SVIL: variants seen among roughly 807,000 people sequenced by gnomAD.
The protein encoded by SVIL is archvillin.
A neutral mutation model predicts 240.4 loss-of-function variants in SVIL; 101 were observed. The observed-to-expected ratio is 0.42, with a 90% CI of 0.36 to 0.50. The LOEUF (loss-of-function observed/expected upper bound fraction) is 0.50. Among genes scored for constraint, SVIL ranks in the 20% least tolerant of loss-of-function variants. The pLI is 0.01. For missense variants in SVIL, 2,512 were observed against 2,818.7 expected, an observed-to-expected ratio of 0.89 and a Z score of 2.46; for synonymous variants, 999 against 1,100.0, an observed-to-expected ratio of 0.91 and a Z score of 1.82.
intron 1 of SVIL, among the ~76,000 whole-genome samples, chr10:29,710,352 C>T (rs1963193406): frequency 6.6e-6 from 1 of 152,202 alleles, no homozygotes. Context: ...CCACCACGCC[C>T]AGCCAACCAT....
intron 1 of SVIL, among the ~76,000 whole-genome samples, chr10:29,622,205 G>A (rs1023971992): frequency 1.5e-5 from 2 of 133,262 alleles, no homozygotes; most frequent in Admixed American, 8.7e-5. Flanking sequence ...AGCCGAGATC[G>A]CGCCACTGCA....
At chr10:29,686,416 C>T (rs1259382628) in intron 2 of SVIL, 1 of 152,244 alleles carries the variant, frequency 6.6e-6, no homozygotes, top group East Asian at 1.9e-4. Context: ...AAAAGTCCAT[C>T]TCACACAATG....
chr10:29,733,493 C>T (rs886099556), intron 1 of SVIL, among the ~76,000 whole-genome samples: 7 of 152,002 alleles, frequency 4.6e-5, no homozygotes, highest in Admixed American at 2.0e-4. Flanking sequence ...TTTGTAGAAA[C>T]AGGGTCTCAC....
At chr10:29,703,658 A>G (rs1962682415) in intron 1 of SVIL, among the ~76,000 whole-genome samples, 1 of 152,210 alleles carries the variant, frequency 6.6e-6, no homozygotes, top group African/African-American at 2.4e-5. Context: ...GGGGATTCTC[A>G]GGATTGCCTT....
chr10:29,497,880 G>A (rs1383085444), intron 18 of SVIL, among the ~76,000 whole-genome samples: 3 of 151,308 alleles, frequency 2.0e-5, no homozygotes, highest in Non-Finnish European at 4.4e-5. Flanking sequence ...TCAGGAGTTC[G>A]AGACCAGCCT....
intron 1 of SVIL, among the ~76,000 whole-genome samples, chr10:29,701,255 GTCTC>G (rs1472452755): frequency 2.0e-5 from 3 of 152,134 alleles, no homozygotes; most frequent in Non-Finnish European, 4.4e-5. Flanking sequence ...AAGAAAGATG[GTCTC>G]TCTTTTTTCT....
At chr10:29,551,648 A>G (rs1953349479) in intron 5 of SVIL, among the ~76,000 whole-genome samples, 1 of 152,214 alleles carries the variant, frequency 6.6e-6, no homozygotes, top group Admixed American at 6.5e-5. Context: ...GTCCTCTGGG[A>G]AAGACAGCAG....
chr10:29,626,340 T>C (rs1489856971), intron 1 of SVIL, among the ~76,000 whole-genome samples: 1 of 152,208 alleles, frequency 6.6e-6, no homozygotes, highest in East Asian at 1.9e-4. Flanking sequence ...GGTACTTTAG[T>C]ACCATTCCAT....
intron 3 of SVIL, among the ~76,000 whole-genome samples, chr10:29,646,625 G>A (rs1406850889): frequency 2.6e-5 from 4 of 152,194 alleles, no homozygotes; most frequent in East Asian, 1.9e-4. Context: ...CAAATCCCTC[G>A]TGGGCAGTCC....
At chr10:29,511,009 G>A (rs974773600) in intron 17 of SVIL, among the ~76,000 whole-genome samples, 1 of 132,134 alleles carries the variant, frequency 7.6e-6, no homozygotes, top group African/African-American at 3.0e-5. Context: ...CCAGCCAAAG[G>A]GAAGCAGGCC....
chr10:29,687,479 G>A (rs957685968), intron 1 of SVIL, among the ~76,000 whole-genome samples: 2 of 152,232 alleles, frequency 1.3e-5, no homozygotes, highest in Non-Finnish European at 2.9e-5. Context: ...ATCACCTGAG[G>A]TCAGCAGTTT....
rs566955645 is a variant in SVIL at position 29,567,910 on chromosome 10, G to C, written c.-143+1345C>G. 3.3e-5 allele frequency among the ~76,000 whole-genome samples: 5 copies of C among 151,856 alleles called. No homozygotes were observed. In the East Asian group the frequency reaches 9.7e-4, roughly 29 times the overall value. On this transcript the variant is annotated intron_variant, in intron 2 of 37. Coordinates refer to ENST00000355867, the MANE Select transcript of SVIL (RefSeq NM_021738.3). ...CGGGTGCCTGTAGTCCCAGCCACTC[G>C]GGAGGCTGAGGCAGGAGAATGGCGT... is the stretch of plus-strand genomic sequence containing the variant.
At chr10:29,609,852 G>T (rs750421381) in intron 1 of SVIL, among the ~76,000 whole-genome samples, 1 of 152,222 alleles carries the variant, frequency 6.6e-6, no homozygotes, top group Non-Finnish European at 1.5e-5. Flanking sequence ...CCCTTGGCAG[G>T]CATGGGATCC....
At chr10:29,485,552 AC>A (rs2132375270) in intron 26 of SVIL, among the ~76,000 whole-genome samples, 1 of 152,270 alleles carries the variant, frequency 6.6e-6, no homozygotes, top group South Asian at 2.1e-4. Context: ...CACACAGTCA[AC>A]CTTGCTCCAG....
rs924842225 is a variant in SVIL at position 29,484,948 on chromosome 10, G to A, written c.4780-117C>T. ...AACGGAGGAAGACAGAAATCCTAACGGGGCGACCAACACAGACACAAAAAG... is the reference window on the plus strand; with the variant it reads ...AACGGAGGAAGACAGAAATCCTAACAGGGCGACCAACACAGACACAAAAAG... On this transcript the variant is annotated intron_variant, in intron 26 of 37. Coordinates refer to ENST00000355867, the MANE Select transcript of SVIL (RefSeq NM_021738.3). The surrounding 1 kb of genome is among the most constrained non-coding windows in gnomAD (Gnocchi z 4.7). 7 of 1,113,950 alleles carry A rather than the reference G, an allele frequency of 6.3e-6. No homozygotes were observed. In the Admixed American group the frequency reaches 1.1e-4, roughly 18 times the overall value. 69.0% of individuals were successfully genotyped at this position (1,113,950 alleles called of 1,614,324 possible). A position where few individuals can be genotyped will look rare whatever the true frequency, so the allele number is the denominator to read the frequency against.
chr10:29,496,056 C>G (rs935302898), intron 18 of SVIL, among the ~76,000 whole-genome samples: 2 of 152,140 alleles, frequency 1.3e-5, no homozygotes, highest in East Asian at 3.9e-4. Flanking sequence ...ACAATGCATC[C>G]CTGGACGAAC....
At chr10:29,502,859 CACTG>C (rs1415439266) in intron 17 of SVIL, among the ~76,000 whole-genome samples, 2 of 152,152 alleles carry the variant, frequency 1.3e-5, no homozygotes, top group Non-Finnish European at 2.9e-5. Context: ...TCTCTGTATA[CACTG>C]ACTGAAAAAT....
At chr10:29,627,961 CG>C (rs796866106) in intron 1 of SVIL, among the ~76,000 whole-genome samples, 65 of 152,320 alleles carry the variant, frequency 4.3e-4, no homozygotes, top group African/African-American at 1.5e-3. Flanking sequence ...TGCTTCTTAA[CG>C]GTACAGCCAA....
Position 29,524,707 on chromosome 10 carries a change from G to A in SVIL, c.2351C>T (p.Ala784Val), listed in dbSNP as rs1189300875. ...RSAVQPARLQ[A>V]SAHQKALAKD... ...GGCTAAGGCCTTTTGGTGAGCAGAGGCCTGCAATCTGAAAAAAATAAAATG... is the reference window on the plus strand; with the variant it reads ...GGCTAAGGCCTTTTGGTGAGCAGAGACCTGCAATCTGAAAAAAATAAAATG... Residue 784 changes from alanine to valine, a missense_variant, in exon 14 of 38, where the codon GCC (alanine) becomes GTC (valine). Physicochemically the swap from Ala to Val is moderately conservative, Grantham distance 64. Transcript: ENST00000355867. 14 of 1,613,174 alleles carry A rather than the reference G, an allele frequency of 8.7e-6. No individual in the cohort carries two copies. The highest frequency in any genetic ancestry group is 1.2e-5 in the Non-Finnish European group (14 of 1,179,538).
Sources: gnomAD v4.1 joint callset for allele counts (sites outside exome capture counted in the v4.1 genomes callset) on GRCh38, gnomAD v4.1.1 for gene constraint, Gnocchi (gnomAD v3.1) non-coding constraint, MANE v1.5 for transcripts, NCBI Gene and HGNC (gene_info 2026-07-23, HGNC 2026-07-21) for gene names.